RFTN1: variants seen among roughly 807,000 people sequenced by gnomAD.
RFTN1 encodes the protein raftlin.
RFTN1 carries 26 observed loss-of-function variants against 46.5 expected under a neutral mutation model. The ratio of observed to expected loss-of-function variants is 0.56; its 90% confidence interval spans 0.41 to 0.78. The LOEUF (loss-of-function observed/expected upper bound fraction) is 0.78, where lower values mean the gene tolerates loss of function less well. Ranked by LOEUF, RFTN1 falls within the 30% of genes least tolerant of loss-of-function variation. The probability of loss-of-function intolerance (pLI) is 0.00; values close to 1 mark genes in which losing one functional copy is unlikely to be tolerated. For synonymous variants in RFTN1, 261 were observed against 284.2 expected (o/e 0.92, Z 0.82); for missense variants, 693 against 718.7 (o/e 0.96, Z 0.41).
chr3:16,437,686 G>C (rs760879173), intron 2 of RFTN1, among the ~76,000 whole-genome samples: 1 of 151,898 alleles, frequency 6.6e-6, no homozygotes, highest in African/African-American at 2.4e-5. Context: ...TAAAAGATAG[G>C]ATCGGTGTTT....
rs1247092080 is a variant in RFTN1 at position 16,316,979 on chromosome 3, A to G, written c.1586T>C (p.Val529Ala). 3.7e-6 allele frequency: 6 copies of G among 1,612,618 alleles called. No homozygotes were observed. The highest frequency in any genetic ancestry group is 1.3e-5 in the African/African-American group (1 of 74,398). The change falls in exon 10 of 10, where the codon GTG becomes GCG. Residue 529 changes from valine (V) to alanine (A), a missense_variant. Coordinates refer to ENST00000334133, the MANE Select transcript of RFTN1 (RefSeq NM_015150.2). The surrounding 1 kb of genome is among the most constrained non-coding windows in gnomAD (Gnocchi z 4.5). ...QLSPGGLLCG[V>A]GVEGEAVQNG... ...CTGCACAGCCTCACCCTCCACACCC[A>G]CCCCACACAGCAGGCCACCAGGGGA...
intron 9 of RFTN1, among the ~76,000 whole-genome samples, chr3:16,319,049 G>C (rs986393186): frequency 1.3e-5 from 2 of 152,182 alleles, no homozygotes; most frequent in African/African-American, 4.8e-5. Context: ...TAGTTTCCAG[G>C]CACCGTGTTA....
At position 16,321,821 on chromosome 3, in the gene RFTN1, A is replaced by G. The variant is rs924203529; in HGVS notation, c.1332+1555T>C. ...ATTTTCCCTGAGGAGAGTCAGTTCA[A>G]CCTTATTACAGCAGCTTTTACAAAT... On this transcript the variant is annotated intron_variant, in intron 9 of 9. Transcript: ENST00000334133. This position sits in a 1 kb window ranked among gnomAD's most constrained non-coding sequence, Gnocchi z 4.8. Among the ~76,000 whole-genome samples the G allele has an allele frequency of 4.6e-5, 7 of 152,172 alleles. No individual in the cohort carries two copies. The highest frequency in any genetic ancestry group is 1.3e-4 in the Admixed American group (2 of 15,280).
Position 16,506,384 on chromosome 3 carries a change from T to C in RFTN1, c.-9+7058A>G, listed in dbSNP as rs145841260. 2.0e-5 allele frequency among the ~76,000 whole-genome samples: 3 copies of C among 152,130 alleles called. No individual in the cohort carries two copies. In the East Asian group the frequency reaches 5.8e-4, roughly 29 times the overall value. On this transcript the variant is annotated intron_variant, in intron 1 of 9. Coordinates refer to ENST00000334133, the MANE Select transcript of RFTN1 (RefSeq NM_015150.2). This position sits in a 1 kb window ranked among gnomAD's most constrained non-coding sequence, Gnocchi z 4.8. ...GCACTTCAGCTTTACCCTGACTGAG[T>C]TGGAAGCCTCTGGAAGGTTTCGAGC...
At chr3:16,331,703 CT>C (rs1553720984) in intron 7 of RFTN1, among the ~76,000 whole-genome samples, 1 of 152,206 alleles carries the variant, frequency 6.6e-6, no homozygotes, top group Non-Finnish European at 1.5e-5. Flanking sequence ...CTAATCTGGT[CT>C]GGCTGCTTTT....
Position 16,504,719 on chromosome 3 carries a change from G to C in RFTN1, c.-9+8723C>G, listed in dbSNP as rs1259409359. On this transcript the variant is annotated intron_variant, in intron 1 of 9. Transcript: ENST00000334133. The surrounding 1 kb of genome is among the most constrained non-coding windows in gnomAD (Gnocchi z 4.4). Reference sequence around the variant, plus strand: ...CCCTAACTTGACCTGCTCCAGGCAAGAGCTCCCCAGTTCCCTTCCCAGCCT... The same window carrying C: ...CCCTAACTTGACCTGCTCCAGGCAACAGCTCCCCAGTTCCCTTCCCAGCCT... 6.6e-6 allele frequency among the ~76,000 whole-genome samples: 1 copy of C among 152,118 alleles called. No individual in the cohort carries two copies. The highest frequency in any genetic ancestry group is 2.4e-5 in the African/African-American group (1 of 41,410).
Position 16,372,808 on chromosome 3 carries a change from G to A in RFTN1, c.827-2529C>T, listed in dbSNP as rs1453370349. ...TTCCCGGCTTGATCCTCCCCAGGGG[G>A]CCAGACTGAAGCCAGAGACAGAAAT... On this transcript the variant is annotated intron_variant, in intron 5 of 9. Coordinates refer to ENST00000334133, the MANE Select transcript of RFTN1 (RefSeq NM_015150.2). 2.6e-5 allele frequency among the ~76,000 whole-genome samples: 4 copies of A among 152,354 alleles called. No homozygotes were observed. The South Asian group carries it at 8.3e-4, about 32-fold the overall frequency.
In RFTN1 at chr3:16,345,819, CGCGCGCGCGT is replaced by C. The variant is rs768813209; in HGVS notation, c.1146+12103_1146+12112del. ...GTGTGTGTGTGTGTGTGTGTGTGTG[CGCGCGCGCGT>C]GCGCGCACGCGCACATGTGCATGTG... On this transcript the variant is annotated intron_variant, in intron 7 of 9. Transcript: ENST00000334133. This position sits in a 1 kb window ranked among gnomAD's most constrained non-coding sequence, Gnocchi z 5.2. Among the ~76,000 whole-genome samples the C allele has an allele frequency of 5.7e-4, 48 of 83,904 alleles. No homozygotes were observed. The highest frequency in any genetic ancestry group is 1.8e-3 in the African/African-American group (44 of 24,572). 55.0% of individuals were successfully genotyped at this position (83,904 alleles called of 152,430 possible).
chr3:16,371,947 G>A (rs771210650), intron 5 of RFTN1, among the ~76,000 whole-genome samples: 1 of 152,198 alleles, frequency 6.6e-6, no homozygotes, highest in Non-Finnish European at 1.5e-5. Flanking sequence ...GAGGGAATCC[G>A]GCCATAAATT....
At chr3:16,369,321 T>C (rs1256372422) in intron 6 of RFTN1, among the ~76,000 whole-genome samples, 2 of 152,230 alleles carry the variant, frequency 1.3e-5, no homozygotes, top group Non-Finnish European at 2.9e-5. Flanking sequence ...ATTGACAAAT[T>C]TGGTGTTATG....
chr3:16,316,503 C>T lies in RFTN1; in HGVS notation c.*325G>A, dbSNP rs115850037. The T allele has an allele frequency of 5.6e-6, 2 of 359,244 alleles. No homozygotes were observed. Among genetic ancestry groups the T allele is most frequent in the Non-Finnish European group, 1.0e-5 (2 of 195,056 alleles). 22.3% of individuals were successfully genotyped at this position (359,244 alleles called of 1,614,324 possible). ...CGAATGCTCCCTGGAGGCCCTGTGG[C>T]GAGGACAGGCACTGGATGGTCCAGA... is the stretch of plus-strand genomic sequence containing the variant. On this transcript the variant is annotated 3_prime_UTR_variant, in exon 10 of 10. Transcript: ENST00000334133. This position sits in a 1 kb window ranked among gnomAD's most constrained non-coding sequence, Gnocchi z 4.5.
chr3:16,512,844 T>A lies in RFTN1; in HGVS notation c.-9+598A>T, dbSNP rs1482516698. On this transcript the variant is annotated intron_variant, in intron 1 of 9. Coordinates refer to ENST00000334133, the MANE Select transcript of RFTN1 (RefSeq NM_015150.2). This position sits in a 1 kb window ranked among gnomAD's most constrained non-coding sequence, Gnocchi z 4.3. The stretch of plus-strand genomic sequence containing the variant: ...CTCGGCACCCGCGTCCCTGTGCTTC[T>A]GGTGGTTCCGGCGCTTCCTCGGAGC... The A allele has an allele frequency of 6.6e-6, 1 of 152,336 alleles. No homozygotes were observed. Among genetic ancestry groups the A allele is most frequent in the African/African-American group, 2.4e-5 (1 of 41,430 alleles). The allele number at this position is 152,336 out of a possible 1,614,324, so 9.4% of individuals were successfully genotyped here.
chr3:16,330,496 A>T (rs1424767827), intron 7 of RFTN1, among the ~76,000 whole-genome samples: 1 of 152,210 alleles, frequency 6.6e-6, no homozygotes, highest in East Asian at 1.9e-4. Flanking sequence ...CACTCCAGTG[A>T]GGAGAGAAGA....
chr3:16,432,202 T>C (rs1346328469), intron 3 of RFTN1, among the ~76,000 whole-genome samples: 4 of 152,074 alleles, frequency 2.6e-5, no homozygotes, highest in African/African-American at 9.7e-5. Context: ...CAGATAATGA[T>C]CAACAGCCAA....
chr3:16,427,118 G>C lies in RFTN1; in HGVS notation c.332+6733C>G, dbSNP rs1369881656. The stretch of plus-strand genomic sequence containing the variant: ...AGAGGCTGCAAGATGGCAGCCAGTG[G>C]CATGGGTTAGGGACAAACAATCCTA... On this transcript the variant is annotated intron_variant, in intron 3 of 9. Transcript: ENST00000334133. The surrounding 1 kb of genome is among the most constrained non-coding windows in gnomAD (Gnocchi z 5.4). Among the ~76,000 whole-genome samples the C allele has an allele frequency of 6.6e-6, 1 of 152,230 alleles. No homozygotes were observed. Among genetic ancestry groups the C allele is most frequent in the Non-Finnish European group, 1.5e-5 (1 of 68,038 alleles).
At position 16,344,936 on chromosome 3, in the gene RFTN1, C is replaced by T. The variant is rs1165991226; in HGVS notation, c.1146+12996G>A. Reference sequence around the variant, plus strand: ...CAGTTCTCTCTGGAGAACCATTTGCCCTCTCTTCATCTGTGGCTCTCAAAC... The same window carrying T: ...CAGTTCTCTCTGGAGAACCATTTGCTCTCTCTTCATCTGTGGCTCTCAAAC... On this transcript the variant is annotated intron_variant, in intron 7 of 9. Coordinates refer to ENST00000334133, the MANE Select transcript of RFTN1 (RefSeq NM_015150.2). The surrounding 1 kb of genome is among the most constrained non-coding windows in gnomAD (Gnocchi z 4.4). Among the ~76,000 whole-genome samples, 2 of 152,122 alleles carry T rather than the reference C, an allele frequency of 1.3e-5. No individual in the cohort carries two copies. Among genetic ancestry groups the T allele is most frequent in the South Asian group, 2.1e-4 (1 of 4,826 alleles).
chr3:16,412,538 G>A (rs1349442917), intron 3 of RFTN1, among the ~76,000 whole-genome samples: 1 of 152,200 alleles, frequency 6.6e-6, no homozygotes, highest in Non-Finnish European at 1.5e-5. Flanking sequence ...CACTGGAGGT[G>A]GGGAGTGAGG....
chr3:16,475,071 A>G lies in RFTN1; in HGVS notation c.145+18654T>C, dbSNP rs959074609. Among the ~76,000 whole-genome samples the G allele has an allele frequency of 2.0e-5, 3 of 152,148 alleles. No individual in the cohort carries two copies. Among genetic ancestry groups the G allele is most frequent in the Admixed American group, 1.3e-4 (2 of 15,280 alleles). On this transcript the variant is annotated intron_variant, in intron 2 of 9. Coordinates refer to ENST00000334133, the MANE Select transcript of RFTN1 (RefSeq NM_015150.2). This position sits in a 1 kb window ranked among gnomAD's most constrained non-coding sequence, Gnocchi z 4.2. ...TCGAGGTAATGAGTGAGTTCACGTG[A>G]GAACTGGTTGTTTAAAAGAGCATGG...
At chr3:16,434,133 C>T in intron 2 of RFTN1, 96 bp from the exon 3 acceptor site, 11 of 1,016,136 alleles carry the variant, frequency 1.1e-5, no homozygotes, top group Non-Finnish European at 1.5e-5. Flanking sequence ...GGAGGATCCT[C>T]TAGGTCACTG....
Sources: gnomAD v4.1 joint callset for allele counts (sites outside exome capture counted in the v4.1 genomes callset) on GRCh38, gnomAD v4.1.1 for gene constraint, Gnocchi (gnomAD v3.1) non-coding constraint, MANE v1.5 for transcripts, NCBI Gene and HGNC (gene_info 2026-07-23, HGNC 2026-07-21) for gene names.